The following CNTNAP5 variants were observed in gnomAD, a reference collection of about 807,000 sequenced individuals.
CNTNAP5 encodes the protein contactin associated protein family member 5, also known as contactin-associated protein-like 5.
CNTNAP5 carries 72 observed loss-of-function variants against 150.2 expected under a neutral mutation model. That is an observed-to-expected ratio of 0.48 (90% confidence interval 0.40 to 0.58). CNTNAP5 has a LOEUF of 0.58. CNTNAP5 is among the 20% of genes least tolerant of loss of function. CNTNAP5 has a pLI of 0.00. For synonymous variants in CNTNAP5, 672 were observed against 619.8 expected, an observed-to-expected ratio of 1.08 and a Z score of -1.25; for missense variants, 1,636 against 1,626.2, an observed-to-expected ratio of 1.01 and a Z score of -0.10.
At chr2:124,767,029 C>T (rs906815084) in intron 16 of CNTNAP5, among the ~76,000 whole-genome samples, 1 of 152,106 alleles carries the variant, frequency 6.6e-6, no homozygotes, top group African/African-American at 2.4e-5. Context: ...GGGATGGAAA[C>T]ATCTTGTATT....
chr2:124,417,491 T>C lies in CNTNAP5; in HGVS notation c.430T>C (p.Leu144=). ...NADSVVHHKL[L]HSVRARFVRF... ...TGACAGCGTGGTGCACCACAAGCTATTGCACTCAGTGAGAGCCCGATTTGT... is the reference window on the plus strand; with the variant it reads ...TGACAGCGTGGTGCACCACAAGCTACTGCACTCAGTGAGAGCCCGATTTGT... Residue 144 remains leucine, a synonymous_variant, in exon 4 of 24, where the codon TTG becomes CTG. Transcript: ENST00000682447. The C allele has an allele frequency of 1.9e-6, 3 of 1,613,936 alleles. No homozygotes were observed. Among genetic ancestry groups the C allele is most frequent in the African/African-American group, 1.3e-5 (1 of 75,054 alleles).
At chr2:124,159,088 T>A (rs1684613736) in intron 1 of CNTNAP5, among the ~76,000 whole-genome samples, 1 of 152,254 alleles carries the variant, frequency 6.6e-6, no homozygotes, top group Non-Finnish European at 1.5e-5. Context: ...GCATAGTCCC[T>A]TAACAGAACA....
intron 11 of CNTNAP5, among the ~76,000 whole-genome samples, chr2:124,566,028 T>C (rs367551747): frequency 8.6e-6 from 1 of 115,940 alleles, no homozygotes; most frequent in Non-Finnish European, 2.1e-5. Context: ...AAATTATGTG[T>C]TTTTATCTAA....
intron 1 of CNTNAP5, among the ~76,000 whole-genome samples, chr2:124,170,970 A>G (rs1684917159): frequency 6.6e-6 from 1 of 152,152 alleles, no homozygotes; most frequent in South Asian, 2.1e-4. Context: ...GTTCTGATCC[A>G]TTAGCCATTT....
chr2:124,673,754 C>T (rs1232197173), intron 13 of CNTNAP5, among the ~76,000 whole-genome samples: 13 of 143,234 alleles, frequency 9.1e-5, no homozygotes, highest in African/African-American at 3.0e-4. Context: ...TCTGCAGAGT[C>T]CTACAGCATT....
intron 1 of CNTNAP5, among the ~76,000 whole-genome samples, chr2:124,219,909 A>G (rs1483629297): frequency 1.3e-5 from 2 of 151,960 alleles, no homozygotes; most frequent in Non-Finnish European, 2.9e-5. Context: ...TGCGATTTTT[A>G]TGTTATTCTT....
At chr2:124,780,995 T>G (rs1681437546) in intron 17 of CNTNAP5, among the ~76,000 whole-genome samples, 1 of 152,006 alleles carries the variant, frequency 6.6e-6, no homozygotes, top group African/African-American at 2.4e-5. Context: ...CCCAAAAGAG[T>G]TTTTAAAAGC....
At chr2:124,454,657 A>C (rs1574005642) in intron 6 of CNTNAP5, among the ~76,000 whole-genome samples, 2 of 152,150 alleles carry the variant, frequency 1.3e-5, no homozygotes, top group East Asian at 1.9e-4. Context: ...AATGAACCTC[A>C]ATAAATTCAA....
chr2:124,688,573 A>G (rs1297426735), intron 13 of CNTNAP5, among the ~76,000 whole-genome samples: 1 of 152,116 alleles, frequency 6.6e-6, no homozygotes, highest in Non-Finnish European at 1.5e-5. Context: ...GAAGCACATG[A>G]TAATTCAATT....
At chr2:124,235,267 C>T (rs910493517) in intron 2 of CNTNAP5, among the ~76,000 whole-genome samples, 1 of 152,094 alleles carries the variant, frequency 6.6e-6, no homozygotes, top group African/African-American at 2.4e-5. Context: ...TCTCTTTGGC[C>T]AAGGACAAAT....
chr2:124,360,372 G>A (rs1176279903), intron 3 of CNTNAP5, among the ~76,000 whole-genome samples: 1 of 148,668 alleles, frequency 6.7e-6, no homozygotes, highest in Admixed American at 6.8e-5. Flanking sequence ...CGGTTATTAT[G>A]CTCGTTAGTT....
chr2:124,112,088 C>T (rs7563796), intron 1 of CNTNAP5, among the ~76,000 whole-genome samples: 20,603 of 152,172 alleles, frequency 0.14, 1,491 homozygotes, highest in South Asian at 0.23. Flanking sequence ...ATTTGAAACT[C>T]CCTGAAGGCA....
intron 3 of CNTNAP5, among the ~76,000 whole-genome samples, chr2:124,307,165 C>T (rs1431849633): frequency 6.6e-6 from 1 of 152,128 alleles, no homozygotes; most frequent in Non-Finnish European, 1.5e-5. Flanking sequence ...AGTCCAAAAT[C>T]AGGGTGCCAG....
intron 17 of CNTNAP5, among the ~76,000 whole-genome samples, chr2:124,777,101 C>CT (rs936130077): frequency 1.6e-4 from 24 of 150,306 alleles, no homozygotes; most frequent in African/African-American, 5.6e-4. Context: ...ATAAGAAACA[C>CT]TAGAAGAGCA....
chr2:124,043,817 A>G (rs1405602697), intron 1 of CNTNAP5, among the ~76,000 whole-genome samples: 1 of 152,042 alleles, frequency 6.6e-6, no homozygotes, highest in African/African-American at 2.4e-5. Flanking sequence ...TCTCTCACTC[A>G]CTCTTTCACT....
At chr2:124,358,994 T>A (rs1318156059) in intron 3 of CNTNAP5, among the ~76,000 whole-genome samples, 2 of 150,470 alleles carry the variant, frequency 1.3e-5, no homozygotes, top group Non-Finnish European at 3.0e-5. Context: ...CTGTTATTGG[T>A]CTATTCAGAG....
intron 3 of CNTNAP5, among the ~76,000 whole-genome samples, chr2:124,259,934 A>G: frequency 6.6e-6 from 1 of 152,166 alleles, no homozygotes; most frequent in East Asian, 1.9e-4. Context: ...GAAAATGGCC[A>G]TACTGCCCAA....
intron 13 of CNTNAP5, among the ~76,000 whole-genome samples, chr2:124,712,399 GA>G (rs1424357704): frequency 4.6e-5 from 7 of 152,304 alleles, no homozygotes; most frequent in African/African-American, 1.7e-4. Context: ...TCAGGATTTT[GA>G]CAAAGGTAAC....
chr2:124,571,527 C>CTTTTTTTTTTTTTTTTTTTTTTT lies in CNTNAP5; in HGVS notation c.1756+8225_1756+8226insTTTTTTTTTTTTTTTTTTTTTTT, dbSNP rs1214169811. 3.6e-4 allele frequency among the ~76,000 whole-genome samples: 17 copies of CTTTTTTTTTTTTTTTTTTTTTTT among 46,844 alleles called. 2 individuals are homozygous for CTTTTTTTTTTTTTTTTTTTTTTT. Among genetic ancestry groups the CTTTTTTTTTTTTTTTTTTTTTTT allele is most frequent in the East Asian group, 4.9e-4 (1 of 2,058 alleles). The allele number at this position is 46,844 out of a possible 152,430, so 30.7% of individuals were successfully genotyped here. ...CACTGAGTACTTTTTTTTCTTTTTTCTTTTTTTTTTTTTTTTTTTTTGAGA... is the reference window on the plus strand; with the variant it reads ...CACTGAGTACTTTTTTTTCTTTTTTCTTTTTTTTTTTTTTTTTTTTTTTTTTTTTTTTTTTTTTTTTTTTGAGA... On this transcript the variant is annotated intron_variant, in intron 11 of 23. Coordinates refer to ENST00000682447, the MANE Select transcript of CNTNAP5 (RefSeq NM_001367498.1).
Sources: gnomAD v4.1 joint callset for allele counts (sites outside exome capture counted in the v4.1 genomes callset) on GRCh38, gnomAD v4.1.1 for gene constraint, MANE v1.5 for transcripts, NCBI Gene and HGNC (gene_info 2026-07-23, HGNC 2026-07-21) for gene names.